EIF3A: variants seen among roughly 807,000 people sequenced by gnomAD.
EIF3A encodes the protein EIF3, p180 subunit.
In EIF3A, 21 loss-of-function variants were observed where a neutral mutation model predicts 186.6. The observed-to-expected ratio is 0.11, with a 90% CI of 0.08 to 0.16. The LOEUF (loss-of-function observed/expected upper bound fraction) is 0.16, where lower values mean the gene tolerates loss of function less well. Ranked by LOEUF, EIF3A falls within the 10% of genes least tolerant of loss-of-function variation. The pLI is 1.00. For synonymous variants in EIF3A, 563 were observed against 584.3 expected, an observed-to-expected ratio of 0.96 and a Z score of 0.52; for missense variants, 1,306 against 1,796.3, an observed-to-expected ratio of 0.73 and a Z score of 4.93.
At chr10:119,069,876 TAG>T (rs1217395588) in intron 5 of EIF3A, among the ~76,000 whole-genome samples, 1 of 151,642 alleles carries the variant, frequency 6.6e-6, no homozygotes, top group Admixed American at 6.6e-5. Flanking sequence ...TAATGGGAAG[TAG>T]ACAGAGCAGA....
At chr10:119,074,226 G>A (rs1844121170) in intron 1 of EIF3A, among the ~76,000 whole-genome samples, 1 of 152,190 alleles carries the variant, frequency 6.6e-6, no homozygotes, top group South Asian at 2.1e-4. Context: ...AGCAATTTGA[G>A]AGGCCGAGGT....
At chr10:119,055,491 G>A (rs1848413056) in intron 14 of EIF3A, among the ~76,000 whole-genome samples, 1 of 152,088 alleles carries the variant, frequency 6.6e-6, no homozygotes, top group Non-Finnish European at 1.5e-5. Flanking sequence ...ACATGCTGCT[G>A]GAAAAATGGT....
chr10:119,056,638 A>T, intron 14 of EIF3A, 102 bp downstream of exon 14: 2 of 759,588 alleles, frequency 2.6e-6, no homozygotes, highest in Non-Finnish European at 4.3e-6. Flanking sequence ...CACCATTTCT[A>T]GCAGAAGAAT....
At chr10:119,043,944 T>A in intron 18 of EIF3A, 110 bp downstream of exon 18, 1 of 825,778 alleles carries the variant, frequency 1.2e-6, no homozygotes. Flanking sequence ...ATGCACACAA[T>A]TCTTCATGGC....
At chr10:119,069,716 A>C in intron 5 of EIF3A, 62 bp from the exon 6 acceptor site, 1 of 826,486 alleles carries the variant, frequency 1.2e-6, no homozygotes. Context: ...ATCTAATTCA[A>C]ATTTCTATGA....
intron 14 of EIF3A, among the ~76,000 whole-genome samples, chr10:119,052,606 A>C (rs1848374599): frequency 6.6e-6 from 1 of 151,708 alleles, no homozygotes; most frequent in Admixed American, 6.6e-5. Context: ...AAACTCCTGG[A>C]CTCATGCAAT....
In EIF3A at chr10:119,055,265, G is replaced by A. The variant is rs201006033; in HGVS notation, c.2196+1475C>T. ...GAATAATAGGAAGGGTCAAGGACAG[G>A]GAGAGACAGAGAGTAAGGGAATGGC... On this transcript the variant is annotated intron_variant, in intron 14 of 21. Coordinates refer to ENST00000369144, the MANE Select transcript of EIF3A (RefSeq NM_003750.4). 1.5e-4 allele frequency among the ~76,000 whole-genome samples: 22 copies of A among 151,192 alleles called. No individual in the cohort carries two copies. In the East Asian group the frequency reaches 3.5e-3, roughly 24 times the overall value.
At position 119,049,903 on chromosome 10, in the gene EIF3A, T is replaced by G. The variant is rs1397025008; in HGVS notation, c.2556A>C (p.Glu852Asp). ...REYQERVKKL[E>D]EVERKKRQRE... ...TTTGGCGTTTTTTCCTTTCCACTTC[T>G]TCTAATTTCTTCACCCGCTCCTGAT... The change falls in exon 17 of 22, where the codon GAA (glutamate) becomes GAC (aspartate). Residue 852 changes from glutamate (E) to aspartate (D), a missense_variant. Physicochemically the swap from Glu to Asp is conservative, Grantham distance 45. Transcript: ENST00000369144. The G allele has an allele frequency of 6.2e-7, 1 of 1,614,202 alleles. No individual in the cohort carries two copies. Among genetic ancestry groups the G allele is most frequent in the East Asian group, 2.2e-5 (1 of 44,888 alleles).
chr10:119,034,617 T>C lies in EIF3A; in HGVS notation c.*1422A>G, dbSNP rs1304249257. 1 of 152,206 alleles carries C rather than the reference T, an allele frequency of 6.6e-6. No homozygotes were observed. Among genetic ancestry groups the C allele is most frequent in the Non-Finnish European group, 1.5e-5 (1 of 68,026 alleles). 9.4% of individuals were successfully genotyped at this position (152,206 alleles called of 1,614,324 possible). A position where few individuals can be genotyped will look rare whatever the true frequency, so the allele number is the denominator to read the frequency against. On this transcript the variant is annotated 3_prime_UTR_variant, in exon 22 of 22. Transcript: ENST00000369144. ...ACAAAAATAGCTGCATCTGGTTAAG[T>C]TAAAAAGCATCAATACTCCCTCTTC...
At chr10:119,056,890 C>A in intron 13 of EIF3A, 37 bp from the exon 14 acceptor site, 5 of 1,592,506 alleles carry the variant, frequency 3.1e-6, no homozygotes, top group Non-Finnish European at 4.3e-6. Context: ...TTTAAAAAAT[C>A]TCTCTTAACT....
chr10:119,078,349 C>A (rs1589698896), intron 1 of EIF3A, among the ~76,000 whole-genome samples: 2 of 152,076 alleles, frequency 1.3e-5, no homozygotes, highest in East Asian at 3.9e-4. Context: ...AAAAATTGCT[C>A]ATATATATGC....
chr10:119,061,196 C>T, intron 8 of EIF3A, 28 bp downstream of exon 8: 1 of 1,321,186 alleles, frequency 7.6e-7, no homozygotes, highest in Non-Finnish European at 1.1e-6. Flanking sequence ...TCTGTGGTAA[C>T]AACCAGAACT....
At chr10:119,066,660 A>G (rs1228801215) in intron 6 of EIF3A, among the ~76,000 whole-genome samples, 4 of 152,098 alleles carry the variant, frequency 2.6e-5, no homozygotes, top group African/African-American at 9.7e-5. Context: ...CATCCCTGAA[A>G]GACAAGAAGT....
intron 15 of EIF3A, 125 bp from the exon 16 acceptor site, chr10:119,050,799 G>T: frequency 9.9e-7 from 1 of 1,011,246 alleles, no homozygotes; most frequent in Non-Finnish European, 1.4e-6. Context: ...CAACCTCTCA[G>T]CACAAAAACT....
intron 17 of EIF3A, among the ~76,000 whole-genome samples, chr10:119,048,364 G>C (rs757836973): frequency 6.6e-6 from 1 of 152,084 alleles, no homozygotes; most frequent in Admixed American, 6.6e-5. Context: ...AGGAAGAGTT[G>C]GTTCAAAGCT....
In EIF3A at chr10:119,050,525, T is replaced by C. The variant is rs1848342732; in HGVS notation, c.2469A>G (p.Leu823=). The part of the protein sequence containing the change: ...EEQRRAEEQM[L]KEREERERAE... The stretch of plus-strand genomic sequence containing the variant: ...AATCCTGTTTGACCTGTGTACCTTT[T>C]AGCATTTGTTCTTCTGCCCTTCTCT... Residue 823 remains leucine (L), a synonymous_variant, in exon 16 of 22, where the codon CTA becomes CTG. Transcript: ENST00000369144. The C allele has an allele frequency of 1.2e-6, 2 of 1,613,952 alleles. No homozygotes were observed. The highest frequency in any genetic ancestry group is 2.2e-5 in the East Asian group (1 of 44,878).
At chr10:119,039,586 C>CT (rs554395324) in intron 19 of EIF3A, among the ~76,000 whole-genome samples, 159 of 152,268 alleles carry the variant, frequency 1.0e-3, no homozygotes, top group Non-Finnish European at 2.1e-3. Flanking sequence ...GGTAGGATCT[C>CT]TTGAGCCCAG....
chr10:119,059,378 G>A lies in EIF3A; in HGVS notation c.1463C>T (p.Ser488Phe), dbSNP rs372799903. ...ATCAGATCCAAAACTCAGGGTCCGAGAAGTGTGATCAATACGAACCTTTGA... is the reference window on the plus strand; with the variant it reads ...ATCAGATCCAAAACTCAGGGTCCGAAAAGTGTGATCAATACGAACCTTTGA... The part of the protein sequence containing the change: ...CDLQVRIDHT[S>F]RTLSFGSDLN... Residue 488 changes from serine to phenylalanine, a missense_variant, in exon 11 of 22, where the codon TCT becomes TTT. Around this residue, in one of 8 missense-constraint regions of EIF3A, gnomAD observed 267 missense variants for 367.8 expected, o/e 0.73. Coordinates refer to ENST00000369144, the MANE Select transcript of EIF3A (RefSeq NM_003750.4). The A allele has an allele frequency of 6.2e-5, 99 of 1,599,010 alleles. No individual in the cohort carries two copies. Among genetic ancestry groups the A allele is most frequent in the Non-Finnish European group, 8.4e-5 (98 of 1,173,604 alleles).
Position 119,040,671 on chromosome 10 carries a change from G to A in EIF3A, c.3526+1323C>T, listed in dbSNP as rs570439004. 1.6e-3 allele frequency among the ~76,000 whole-genome samples: 236 copies of A among 152,204 alleles called. 1 individual carries two copies. The highest frequency in any genetic ancestry group is 2.9e-3 in the Non-Finnish European group (198 of 67,992). On this transcript the variant is annotated intron_variant, in intron 19 of 21. Transcript: ENST00000369144. Reference sequence around the variant, plus strand: ...GGATCACTTGAGGTCAGGAGTTCGAGAGCAGCCTGGCCAACATGGTGAAAC... The same window carrying A: ...GGATCACTTGAGGTCAGGAGTTCGAAAGCAGCCTGGCCAACATGGTGAAAC...
Sources: allele counts gnomAD v4.1 joint callset (sites outside exome capture counted in the v4.1 genomes callset), GRCh38; gene constraint gnomAD v4.1.1; regional missense constraint gnomAD v4.1.1; transcripts MANE v1.5; gene names NCBI Gene and HGNC (gene_info 2026-07-23, HGNC 2026-07-21).